GOLPH3: variants seen among roughly 807,000 people sequenced by gnomAD.
The protein encoded by GOLPH3 is golgi phosphoprotein 3, also known as coat protein GPP34.
A neutral mutation model predicts 28.5 loss-of-function variants in GOLPH3; 14 were observed. That is an observed-to-expected ratio of 0.49 (90% CI 0.32 to 0.77). The LOEUF is 0.77. GOLPH3 is among the 30% of genes least tolerant of loss of function. The probability of loss-of-function intolerance (pLI) is 0.03; values close to 1 mark genes in which losing one functional copy is unlikely to be tolerated. For synonymous variants in GOLPH3, 158 were observed against 159.2 expected (o/e 0.99, Z 0.06); for missense variants, 350 against 393.7 (o/e 0.89, Z 0.94).
chr5:32,174,147 G>A lies in GOLPH3; in HGVS notation c.-113C>T. ...GTTTCCGTGTTAAATCCGGACGCCG[G>A]GGCGACGTCCGTCGGCAGCAGGGCC... On this transcript the variant is annotated 5_prime_UTR_variant, in exon 1 of 4. Transcript: ENST00000265070. The A allele has an allele frequency of 3.0e-6, 2 of 671,702 alleles. No individual in the cohort carries two copies. The highest frequency in any genetic ancestry group is 4.2e-6 in the Non-Finnish European group (2 of 479,542). 41.6% of individuals were successfully genotyped at this position (671,702 alleles called of 1,614,324 possible).
intron 1 of GOLPH3, among the ~76,000 whole-genome samples, chr5:32,168,637 A>G (rs1219425610): frequency 6.6e-6 from 1 of 152,216 alleles, no homozygotes; most frequent in Non-Finnish European, 1.5e-5. Flanking sequence ...CAGAGAAAGC[A>G]GCTCAAAGAA....
chr5:32,135,657 C>A lies in GOLPH3; in HGVS notation c.387G>T (p.Gly129=). 2 of 1,613,136 alleles carry A rather than the reference C, an allele frequency of 1.2e-6. No individual in the cohort carries two copies. The highest frequency in any genetic ancestry group is 1.3e-5 in the African/African-American group (1 of 74,984). The part of the protein sequence containing the change: ...KVICKSDAPT[G]DVLLDEALKH... ...TCAGAGCTTCATCAAGAAGAACATCCCCTGTTGGAGCATCTGACTTACAGA... is the reference window on the plus strand; with the variant it reads ...TCAGAGCTTCATCAAGAAGAACATCACCTGTTGGAGCATCTGACTTACAGA... Residue 129 remains glycine, a synonymous_variant, in exon 3 of 4, where the codon GGG becomes GGT. Coordinates refer to ENST00000265070, the MANE Select transcript of GOLPH3 (RefSeq NM_022130.4).
rs191072482 is a variant in GOLPH3, at chr5:32,128,518, G to A, written c.473-1882C>T. Among the ~76,000 whole-genome samples, 497 of 152,180 alleles carry A rather than the reference G, an allele frequency of 3.3e-3. 4 individuals are homozygous for A. The highest frequency in any genetic ancestry group is 0.012 in the African/African-American group (480 of 41,518). ...TCTACAACTGCAAAAAATTAGCCGG[G>A]CATCGTGGCAGTTGCCTGTAATCTC... On this transcript the variant is annotated intron_variant, in intron 3 of 3. Coordinates refer to ENST00000265070, the MANE Select transcript of GOLPH3 (RefSeq NM_022130.4).
At chr5:32,129,349 A>T (rs1359885055) in intron 3 of GOLPH3, among the ~76,000 whole-genome samples, 2 of 152,244 alleles carry the variant, frequency 1.3e-5, no homozygotes, top group African/African-American at 4.8e-5. Flanking sequence ...TCTTAGAACG[A>T]AGCCTAACAC....
At chr5:32,142,645 AGGTGGGGGG>A (rs1211194364) in intron 2 of GOLPH3, among the ~76,000 whole-genome samples, 1 of 110,234 alleles carries the variant, frequency 9.1e-6, no homozygotes, top group Non-Finnish European at 1.8e-5. Context: ...TCCGGGAGGG[AGGTGGGGGG>A]GTCAGCCCCC....
intron 1 of GOLPH3, among the ~76,000 whole-genome samples, chr5:32,158,132 T>TAAATAAATA (rs1308648161): frequency 5.9e-5 from 2 of 33,686 alleles, no homozygotes; most frequent in African/African-American, 2.4e-4. Flanking sequence ...ATAAATAAAA[T>TAAATAAATA]ACACACACAC....
intron 1 of GOLPH3, among the ~76,000 whole-genome samples, chr5:32,158,148 C>CGGCAA (rs1746495278): frequency 6.7e-6 from 1 of 149,578 alleles, no homozygotes; most frequent in African/African-American, 2.5e-5. Flanking sequence ...CACACACACA[C>CGGCAA]ACACACACAC....
In GOLPH3 at chr5:32,143,856, A is replaced by T. The variant is rs1268148896; in HGVS notation, c.250T>A (p.Cys84Ser). The stretch of plus-strand genomic sequence containing the variant: ...CAGCCACGTAATCCAGATGATATAC[A>T]GTCATTCCAAAATGATGTGTAACCC... ...REGYTSFWND[C>S]ISSGLRGCML... The change falls in exon 2 of 4, where the codon TGT (cysteine) becomes AGT (serine). Residue 84 changes from cysteine (C) to serine (S), a missense_variant. Cys to Ser is a moderately radical substitution (Grantham distance 112, BLOSUM62 -1). Transcript: ENST00000265070. 1 of 1,579,080 alleles carries T rather than the reference A, an allele frequency of 6.3e-7. No homozygotes were observed. The highest frequency in any genetic ancestry group is 2.3e-5 in the East Asian group (1 of 43,352).
chr5:32,134,302 C>G (rs139987146), intron 3 of GOLPH3, among the ~76,000 whole-genome samples: 1 of 151,976 alleles, frequency 6.6e-6, no homozygotes, highest in Non-Finnish European at 1.5e-5. Context: ...GTCTCCTAGG[C>G]TCAAGCGATC....
At chr5:32,129,845 C>A (rs1172581212) in intron 3 of GOLPH3, among the ~76,000 whole-genome samples, 1 of 151,640 alleles carries the variant, frequency 6.6e-6, no homozygotes, top group Admixed American at 6.6e-5. Context: ...GTAACTTCCA[C>A]CCTTTTTTTT....
At chr5:32,143,727 T>C (rs766957381) in intron 2 of GOLPH3, 22 bp downstream of exon 2, 87 of 1,590,384 alleles carry the variant, frequency 5.5e-5, no homozygotes, top group Non-Finnish European at 6.8e-5. Context: ...TTAAAAAGAA[T>C]GTTACTCAGC....
At chr5:32,168,051 T>C (rs1055469681) in intron 1 of GOLPH3, among the ~76,000 whole-genome samples, 15 of 152,102 alleles carry the variant, frequency 9.9e-5, no homozygotes, top group Middle Eastern at 3.2e-3. Flanking sequence ...CTGAAAAAAA[T>C]AGATAAAAAT....
intron 1 of GOLPH3, among the ~76,000 whole-genome samples, chr5:32,172,927 G>GA (rs1746876073): frequency 6.6e-6 from 1 of 152,180 alleles, no homozygotes. Flanking sequence ...ATAGAATCTA[G>GA]AAAGAGTATA....
intron 1 of GOLPH3, among the ~76,000 whole-genome samples, chr5:32,170,469 T>TA (rs1746807217): frequency 6.6e-6 from 1 of 152,188 alleles, no homozygotes; most frequent in Non-Finnish European, 1.5e-5. Context: ...ATCCAGACAT[T>TA]AAAAAGATAA....
chr5:32,134,121 A>G (rs2111841269), intron 3 of GOLPH3, among the ~76,000 whole-genome samples: 1 of 152,332 alleles, frequency 6.6e-6, no homozygotes, highest in South Asian at 2.1e-4. Context: ...TTATAGTCCC[A>G]GGGCTTTAGG....
In GOLPH3 at chr5:32,159,487, T is replaced by C. The variant is rs1043350273; in HGVS notation, c.225+14323A>G. Among the ~76,000 whole-genome samples the C allele has an allele frequency of 7.9e-5, 12 of 152,328 alleles. 1 individual carries two copies. In the South Asian group the frequency reaches 2.5e-3, roughly 32 times the overall value. Reference sequence around the variant, plus strand: ...TTCAGACTGGGGTGCTTGACTGGTATCACTTTTTTCTTTCCACACCTGCCA... The same window carrying C: ...TTCAGACTGGGGTGCTTGACTGGTACCACTTTTTTCTTTCCACACCTGCCA... On this transcript the variant is annotated intron_variant, in intron 1 of 3. Transcript: ENST00000265070.
At chr5:32,132,324 T>C (rs957507710) in intron 3 of GOLPH3, among the ~76,000 whole-genome samples, 1 of 152,200 alleles carries the variant, frequency 6.6e-6, no homozygotes, top group African/African-American at 2.4e-5. Context: ...CCACCCCAGG[T>C]AAAGAAACTG....
At chr5:32,137,060 A>C (rs1745949416) in intron 2 of GOLPH3, among the ~76,000 whole-genome samples, 1 of 151,954 alleles carries the variant, frequency 6.6e-6, no homozygotes, top group South Asian at 2.1e-4. Context: ...CCCCGGTACA[A>C]GCAATTCTCC....
intron 1 of GOLPH3, among the ~76,000 whole-genome samples, chr5:32,145,178 C>T (rs922222465): frequency 3.9e-5 from 6 of 152,276 alleles, no homozygotes; most frequent in Admixed American, 1.3e-4. Flanking sequence ...GAGTTAAATT[C>T]GCCTCACCAA....
Sources: allele counts gnomAD v4.1 joint callset (sites outside exome capture counted in the v4.1 genomes callset), GRCh38; gene constraint gnomAD v4.1.1; transcripts MANE v1.5; gene names NCBI Gene and HGNC (gene_info 2026-07-23, HGNC 2026-07-21).